MAGI1: variants seen among roughly 807,000 people sequenced by gnomAD.
The protein encoded by MAGI1 is membrane associated guanylate kinase, WW and PDZ domain containing 1, also known as membrane-associated guanylate kinase, WW and PDZ domain-containing protein 1.
Under a neutral mutation model 139.9 loss-of-function variants are expected in MAGI1, and 58 were observed. That is an observed-to-expected ratio of 0.41 (90% CI 0.34 to 0.52). The LOEUF is 0.52. Ranked by LOEUF, MAGI1 falls within the 20% of genes least tolerant of loss-of-function variation. The pLI, the probability that MAGI1 is intolerant of heterozygous loss-of-function variation, is 0.12. For missense variants in MAGI1, 1,874 were observed against 1,901.6 expected (o/e 0.99, Z 0.27); for synonymous variants, 812 against 737.9 (o/e 1.10, Z -1.63).
intron 5 of MAGI1, among the ~76,000 whole-genome samples, chr3:65,460,249 T>C (rs1451847697): frequency 6.6e-6 from 1 of 152,246 alleles, no homozygotes; most frequent in Admixed American, 6.5e-5. Flanking sequence ...TCCCACTTGA[T>C]CATGGGAAAT....
chr3:65,636,565 TG>T (rs1377750943), intron 1 of MAGI1, among the ~76,000 whole-genome samples: 1 of 152,200 alleles, frequency 6.6e-6, no homozygotes, highest in Non-Finnish European at 1.5e-5. Context: ...TCTGCCATCC[TG>T]GTTTCCCCTC....
intron 1 of MAGI1, among the ~76,000 whole-genome samples, chr3:65,938,584 C>T (rs932232589): frequency 1.3e-5 from 2 of 151,796 alleles, no homozygotes; most frequent in Non-Finnish European, 1.5e-5. Context: ...CTTCCTTTTC[C>T]GCACTGAGAC....
At chr3:65,555,568 T>G (rs2080046271) in intron 2 of MAGI1, among the ~76,000 whole-genome samples, 2 of 152,080 alleles carry the variant, frequency 1.3e-5, no homozygotes, top group Non-Finnish European at 2.9e-5. Context: ...TAAAAAAATA[T>G]GAACACCCAG....
At chr3:65,796,116 G>A (rs963761848) in intron 1 of MAGI1, among the ~76,000 whole-genome samples, 2 of 151,952 alleles carry the variant, frequency 1.3e-5, no homozygotes, top group African/African-American at 4.8e-5. Flanking sequence ...GCGGAGGATG[G>A]CGAGTCCAAA....
At chr3:65,643,701 A>G (rs926376651) in intron 1 of MAGI1, among the ~76,000 whole-genome samples, 1 of 152,156 alleles carries the variant, frequency 6.6e-6, no homozygotes, top group Non-Finnish European at 1.5e-5. Context: ...CTCTCTAGCT[A>G]AAGAATTAGG....
At chr3:66,031,880 C>T (rs551414541) in intron 1 of MAGI1, among the ~76,000 whole-genome samples, 56 of 152,166 alleles carry the variant, frequency 3.7e-4, no homozygotes, top group African/African-American at 1.3e-3. Flanking sequence ...CAAAAAAAAT[C>T]CTCATCATCC....
In MAGI1 at chr3:66,038,374, C is replaced by A. The variant is rs1320687135; in HGVS notation, c.-66G>T. 3.3e-6 allele frequency: 5 copies of A among 1,498,576 alleles called. No individual in the cohort carries two copies. The highest frequency in any genetic ancestry group is 1.8e-4 in the Middle Eastern group (1 of 5,518). The allele number at this position is 1,498,576 out of a possible 1,614,324, so 92.8% of individuals were successfully genotyped here. On this transcript the variant is annotated 5_prime_UTR_variant, in exon 1 of 23. Coordinates refer to ENST00000402939, the MANE Select transcript of MAGI1 (RefSeq NM_001033057.2). Reference sequence around the variant, plus strand: ...CAGGTGCCCCCCACAGCACGAGCCCCCAAGCCTCCGCTTGTTCATGGGAGA... The same window carrying A: ...CAGGTGCCCCCCACAGCACGAGCCCACAAGCCTCCGCTTGTTCATGGGAGA...
intron 1 of MAGI1, among the ~76,000 whole-genome samples, chr3:65,758,042 C>T (rs1009816104): frequency 2.6e-5 from 4 of 152,166 alleles, no homozygotes; most frequent in Non-Finnish European, 5.9e-5. Flanking sequence ...ACACACAGAG[C>T]TCTAAGGCAC....
At chr3:65,369,891 G>C (rs961849083) in intron 18 of MAGI1, among the ~76,000 whole-genome samples, 12 of 152,090 alleles carry the variant, frequency 7.9e-5, no homozygotes, top group African/African-American at 2.9e-4. Flanking sequence ...TGAAACAAAT[G>C]GTTTTTGGGC....
chr3:65,833,309 G>A (rs1049366199), intron 1 of MAGI1, among the ~76,000 whole-genome samples: 8 of 152,046 alleles, frequency 5.3e-5, no homozygotes, highest in African/African-American at 1.9e-4. Flanking sequence ...AGTAGAGAGG[G>A]GGTTTCACCA....
At chr3:65,868,011 C>T (rs1286580687) in intron 1 of MAGI1, among the ~76,000 whole-genome samples, 1 of 152,120 alleles carries the variant, frequency 6.6e-6, no homozygotes, top group Non-Finnish European at 1.5e-5. Flanking sequence ...CTGTCATTTG[C>T]TTACAAGTCT....
At chr3:65,786,644 C>T (rs1351845936) in intron 1 of MAGI1, among the ~76,000 whole-genome samples, 1 of 132,580 alleles carries the variant, frequency 7.5e-6, no homozygotes, top group African/African-American at 2.8e-5. Context: ...CAGAGTCTTG[C>T]TTTGTCACCC....
chr3:65,580,019 T>A (rs1576378486), intron 2 of MAGI1, among the ~76,000 whole-genome samples: 1 of 152,166 alleles, frequency 6.6e-6, no homozygotes, highest in Non-Finnish European at 1.5e-5. Context: ...GGGCAAAGAC[T>A]TTTTCTGCCT....
intron 1 of MAGI1, among the ~76,000 whole-genome samples, chr3:65,785,165 A>G (rs1281314695): frequency 2.0e-5 from 3 of 152,198 alleles, no homozygotes; most frequent in Admixed American, 2.0e-4. Flanking sequence ...TCTGTATCCC[A>G]TATGTATTCA....
chr3:66,000,241 G>A (rs1468029858), intron 1 of MAGI1, among the ~76,000 whole-genome samples: 1 of 151,998 alleles, frequency 6.6e-6, no homozygotes, highest in Non-Finnish European at 1.5e-5. Context: ...CTCCCAAAGT[G>A]CCCAGATTAC....
intron 1 of MAGI1, among the ~76,000 whole-genome samples, chr3:65,907,320 C>T (rs1013128819): frequency 1.3e-5 from 2 of 152,178 alleles, no homozygotes; most frequent in African/African-American, 4.8e-5. Flanking sequence ...TGAGATTATC[C>T]TTTTCACAGG....
At chr3:65,672,545 A>G (rs1244741204) in intron 1 of MAGI1, among the ~76,000 whole-genome samples, 1 of 152,204 alleles carries the variant, frequency 6.6e-6, no homozygotes, top group Non-Finnish European at 1.5e-5. Flanking sequence ...GGGTTGTTAA[A>G]GTAAAAATAG....
intron 18 of MAGI1, among the ~76,000 whole-genome samples, chr3:65,373,156 G>A (rs1942168063): frequency 6.6e-6 from 1 of 152,128 alleles, no homozygotes; most frequent in Admixed American, 6.5e-5. Flanking sequence ...TCTAGCTTTT[G>A]ATTTAAAGTG....
At chr3:65,657,806 G>A (rs879574923) in intron 1 of MAGI1, among the ~76,000 whole-genome samples, 35 of 152,130 alleles carry the variant, frequency 2.3e-4, no homozygotes, top group Non-Finnish European at 4.0e-4. Flanking sequence ...CCAGTGAAGT[G>A]ATAGCATGAA....
Sources: gnomAD v4.1 joint callset for allele counts (sites outside exome capture counted in the v4.1 genomes callset) on GRCh38, gnomAD v4.1.1 for gene constraint, MANE v1.5 for transcripts, NCBI Gene and HGNC (gene_info 2026-07-23, HGNC 2026-07-21) for gene names.